The following USP7 variants were observed in gnomAD, a reference collection of about 807,000 sequenced individuals.
USP7 encodes ubiquitin C-terminal hydrolase 7.
A neutral mutation model predicts 162.9 loss-of-function variants in USP7; 9 were observed. The ratio of observed to expected loss-of-function variants is 0.06; its 90% CI spans 0.03 to 0.10. The LOEUF (loss-of-function observed/expected upper bound fraction) is 0.10. Ranked by LOEUF, USP7 falls within the 10% of genes least tolerant of loss-of-function variation. USP7 has a pLI of 1.00. For missense variants in USP7, 715 were observed against 1,373.7 expected (o/e 0.52, Z 7.58); for synonymous variants, 562 against 475.9 (o/e 1.18, Z -2.35).
intron 18 of USP7, among the ~76,000 whole-genome samples, chr16:8,901,456 G>A (rs767346860): frequency 2.0e-5 from 3 of 152,174 alleles, no homozygotes; most frequent in Non-Finnish European, 4.4e-5. Context: ...TCAGACCCAT[G>A]GAAACCCACT....
Position 8,903,134 on chromosome 16 carries a change from G to A in USP7, c.1839+134C>T, listed in dbSNP as rs535648222. 8.8e-5 allele frequency: 107 copies of A among 1,217,878 alleles called. 3 individuals are homozygous for A. In the Middle Eastern group the frequency reaches 2.6e-3, roughly 30 times the overall value. The allele number at this position is 1,217,878 out of a possible 1,614,324, so 75.4% of individuals were successfully genotyped here. On this transcript the variant is annotated intron_variant, in intron 16 of 30. Coordinates refer to ENST00000344836, the MANE Select transcript of USP7 (RefSeq NM_003470.3). ...TTTCTCAGGCAGGAAATGTTCCTGG[G>A]TCACACTCCTCACTGTTAGGCAGTG...
chr16:8,957,081 CG>C (rs1899841272), intron 1 of USP7, among the ~76,000 whole-genome samples: 1 of 152,210 alleles, frequency 6.6e-6, no homozygotes, highest in Admixed American at 6.5e-5. Context: ...ATACAAGAAA[CG>C]TACTAATTAC....
At chr16:8,939,570 G>A (rs917898502) in intron 1 of USP7, among the ~76,000 whole-genome samples, 2 of 152,282 alleles carry the variant, frequency 1.3e-5, no homozygotes, top group Middle Eastern at 3.4e-3. Flanking sequence ...ATGTTAGCTA[G>A]CAACAATGCA....
At chr16:8,937,709 G>C (rs1050987385) in intron 1 of USP7, among the ~76,000 whole-genome samples, 1 of 151,960 alleles carries the variant, frequency 6.6e-6, no homozygotes, top group African/African-American at 2.4e-5. Flanking sequence ...AAACAGAAAG[G>C]GAAAAATGTC....
intron 1 of USP7, among the ~76,000 whole-genome samples, chr16:8,931,532 T>G (rs895023214): frequency 1.4e-4 from 21 of 152,218 alleles, no homozygotes; most frequent in African/African-American, 5.1e-4. Context: ...TCCTGTATAA[T>G]TATGTAAAGA....
At chr16:8,907,468 G>A (rs554221509) in intron 12 of USP7, among the ~76,000 whole-genome samples, 1 of 152,230 alleles carries the variant, frequency 6.6e-6, no homozygotes, top group Admixed American at 6.5e-5. Flanking sequence ...ATACAAAGCT[G>A]GTGCTCAAAC....
intron 30 of USP7, 110 bp from the exon 31 acceptor site, chr16:8,894,214 C>T (rs1478967450): frequency 9.7e-6 from 10 of 1,030,004 alleles, no homozygotes; most frequent in East Asian, 4.8e-5. Flanking sequence ...GGGGTAAGTT[C>T]GCAGGGAAGC....
intron 1 of USP7, among the ~76,000 whole-genome samples, chr16:8,933,697 C>G (rs1006328902): frequency 6.6e-6 from 1 of 152,042 alleles, no homozygotes; most frequent in Non-Finnish European, 1.5e-5. Flanking sequence ...CAATCCACCC[C>G]TCTCAGTCTC....
At chr16:8,906,323 G>A in intron 13 of USP7, 103 bp downstream of exon 13, 2 of 1,354,700 alleles carry the variant, frequency 1.5e-6, no homozygotes, top group African/African-American at 2.9e-5. Flanking sequence ...AGATCAGTTA[G>A]GGGTCCCTGA....
chr16:8,930,182 G>A, intron 2 of USP7, 111 bp downstream of exon 2: 1 of 744,442 alleles, frequency 1.3e-6, no homozygotes, highest in African/African-American at 1.8e-5. Context: ...CTGAAAACTA[G>A]CTACGCTCAG....
intron 8 of USP7, 97 bp from the exon 9 acceptor site, chr16:8,915,622 G>C: frequency 9.4e-7 from 1 of 1,065,816 alleles, no homozygotes; most frequent in Non-Finnish European, 1.4e-6. Flanking sequence ...GTTCAAAGAA[G>C]TTGTAGACTA....
chr16:8,910,855 G>A (rs770230956), intron 10 of USP7, 28 bp from the exon 11 acceptor site: 2 of 1,577,656 alleles, frequency 1.3e-6, no homozygotes, highest in Admixed American at 1.7e-5. Context: ...GAAAAGTCAA[G>A]TGCTAAAGCT....
At position 8,903,259 on chromosome 16, in the gene USP7, G is replaced by C. The variant is rs751756032; in HGVS notation, c.1839+9C>G. 1.2e-6 allele frequency: 2 copies of C among 1,611,634 alleles called. No homozygotes were observed. The highest frequency in any genetic ancestry group is 1.7e-6 in the Non-Finnish European group (2 of 1,178,864). On this transcript the variant is annotated intron_variant, in intron 16 of 30. Transcript: ENST00000344836. Reference sequence around the variant, plus strand: ...CACGGTGGGGTATATCCACGGGACCGGTACGCACCATGGTCTGAGAGAGGC... The same window carrying C: ...CACGGTGGGGTATATCCACGGGACCCGTACGCACCATGGTCTGAGAGAGGC...
chr16:8,945,166 G>T (rs1899222933), intron 1 of USP7, among the ~76,000 whole-genome samples: 1 of 152,138 alleles, frequency 6.6e-6, no homozygotes, highest in Non-Finnish European at 1.5e-5. Flanking sequence ...GGAGGTTGTA[G>T]TGAGCCGAGA....
At chr16:8,930,227 A>G in intron 2 of USP7, 66 bp downstream of exon 2, 2 of 1,277,320 alleles carry the variant, frequency 1.6e-6, no homozygotes, top group South Asian at 2.6e-5. Flanking sequence ...AGTACCAAGC[A>G]TGGATCTGAA....
chr16:8,914,450 A>G (rs1275664094), intron 10 of USP7, among the ~76,000 whole-genome samples: 2 of 152,206 alleles, frequency 1.3e-5, no homozygotes, highest in African/African-American at 4.8e-5. Flanking sequence ...AGAATGGTCG[A>G]TCTGCCTTAT....
intron 2 of USP7, among the ~76,000 whole-genome samples, chr16:8,929,157 G>C (rs930704036): frequency 1.3e-5 from 2 of 152,216 alleles, no homozygotes; most frequent in African/African-American, 2.4e-5. Context: ...CAAGTGGCTA[G>C]AATTGATCCC....
intron 26 of USP7, 86 bp downstream of exon 26, chr16:8,896,913 G>A (rs1349609118): frequency 9.8e-7 from 1 of 1,018,096 alleles, no homozygotes; most frequent in East Asian, 2.4e-5. Context: ...TCCCAGCTGG[G>A]TGATTTCCAC....
In USP7 at chr16:8,906,407, C is replaced by T; in HGVS notation, c.1428+19G>A. The T allele has an allele frequency of 2.5e-6, 4 of 1,609,488 alleles. 1 individual carries two copies. The highest frequency in any genetic ancestry group is 4.5e-5 in the East Asian group (2 of 44,858). On this transcript the variant is annotated intron_variant, in intron 13 of 30. Coordinates refer to ENST00000344836, the MANE Select transcript of USP7 (RefSeq NM_003470.3). ...ACTTTCTGATGAGCTTGCATTCAGC[C>T]CTGGGTCCCACCACTTACTTTGCCA...
Sources: gnomAD v4.1 joint callset for allele counts (sites outside exome capture counted in the v4.1 genomes callset) on GRCh38, gnomAD v4.1.1 for gene constraint, MANE v1.5 for transcripts, NCBI Gene and HGNC (gene_info 2026-07-23, HGNC 2026-07-21) for gene names.